The following PEAK1 variants were observed in gnomAD, a reference collection of about 807,000 sequenced individuals.
PEAK1 encodes pseudopodium enriched atypical kinase 1, also known as inactive tyrosine-protein kinase PEAK1.
PEAK1 carries 54 observed loss-of-function variants against 124.7 expected under a neutral mutation model. That is an observed-to-expected ratio of 0.43 (90% confidence interval 0.35 to 0.54). The LOEUF (loss-of-function observed/expected upper bound fraction) is 0.54, where lower values mean the gene tolerates loss of function less well. Ranked by LOEUF, PEAK1 falls within the 20% of genes least tolerant of loss-of-function variation. The probability of loss-of-function intolerance (pLI) is 0.01; values close to 1 mark genes in which losing one functional copy is unlikely to be tolerated. For synonymous variants in PEAK1, 719 were observed against 760.0 expected, an observed-to-expected ratio of 0.95 and a Z score of 0.89; for missense variants, 2,046 against 2,134.5, an observed-to-expected ratio of 0.96 and a Z score of 0.82.
chr15:77,180,534 C>A lies in PEAK1; in HGVS notation c.1393G>T (p.Val465Leu), dbSNP rs760377898. The A allele has an allele frequency of 1.2e-6, 2 of 1,614,024 alleles. No individual in the cohort carries two copies. The highest frequency in any genetic ancestry group is 2.7e-5 in the African/African-American group (2 of 74,910). ...TTGCACAATGGCTGTTCCAGGTTCACAACTCGGTAAGGTTTTGCTTGCTCT... is the reference window on the plus strand; with the variant it reads ...TTGCACAATGGCTGTTCCAGGTTCAAAACTCGGTAAGGTTTTGCTTGCTCT... ...TEEQAKPYRV[V>L]NLEQPLCKPY... Residue 465 changes from valine (V) to leucine (L), a missense_variant, in exon 7 of 10, where the codon GTG (valine) becomes TTG (leucine). Coordinates refer to ENST00000682557, the MANE Select transcript of PEAK1 (RefSeq NM_001385026.1).
rs1223829052 is a variant in PEAK1, at chr15:77,133,665, T to G, written c.3417A>C (p.Lys1139Asn). The G allele has an allele frequency of 1.1e-5, 18 of 1,614,018 alleles. No homozygotes were observed. Among genetic ancestry groups the G allele is most frequent in the Non-Finnish European group, 1.4e-5 (17 of 1,180,006 alleles). ...AAGCATTGGGTGCTTCTTGGTCTGTTTTCCCTCCAAAGGCGATGGCATCGT... is the reference window on the plus strand; with the variant it reads ...AAGCATTGGGTGCTTCTTGGTCTGTGTTCCCTCCAAAGGCGATGGCATCGT... ...AVDDAIAFGG[K>N]TDQEAPNASQ... is the part of the protein sequence containing the mutation. The change falls in exon 9 of 10, where the codon AAA becomes AAC. Residue 1139 changes from lysine to asparagine, a missense_variant. Physicochemically the swap from Lys to Asn is moderately conservative, Grantham distance 94. Coordinates refer to ENST00000682557, the MANE Select transcript of PEAK1 (RefSeq NM_001385026.1). This position sits in a 1 kb window ranked among gnomAD's most constrained non-coding sequence, Gnocchi z 4.2.
At chr15:77,297,477 G>C (rs2063543065) in intron 2 of PEAK1, among the ~76,000 whole-genome samples, 1 of 151,670 alleles carries the variant, frequency 6.6e-6, no homozygotes, top group South Asian at 2.1e-4. Flanking sequence ...CTCATCAATA[G>C]TACTGGTCAA....
At chr15:77,213,419 C>T (rs759941353) in intron 6 of PEAK1, among the ~76,000 whole-genome samples, 28 of 152,086 alleles carry the variant, frequency 1.8e-4, no homozygotes, top group Non-Finnish European at 3.2e-4. Flanking sequence ...CAGCCGGACG[C>T]GGTGGCTCAT....
chr15:77,311,948 T>G (rs1383285686), intron 2 of PEAK1, among the ~76,000 whole-genome samples: 2 of 152,124 alleles, frequency 1.3e-5, no homozygotes, highest in African/African-American at 4.8e-5. Context: ...TTAGAAAGAC[T>G]GCCTAGTTAG....
intron 8 of PEAK1, among the ~76,000 whole-genome samples, chr15:77,145,026 C>G (rs1410324397): frequency 6.6e-6 from 1 of 152,194 alleles, no homozygotes; most frequent in Non-Finnish European, 1.5e-5. Flanking sequence ...AGATTGTGTT[C>G]TAAATCTTGC....
chr15:77,181,406 TCTC>T lies in PEAK1; in HGVS notation c.518_520del (p.Arg173_Glu174delinsLys). ...ATCATTTATTCTTCCCAAGAATGTT[TCTC>T]TGGAGTTTGTTTCATTTCCTCTTAT... is the stretch of plus-strand genomic sequence containing the variant. On this transcript the variant is annotated inframe_deletion, in exon 7 of 10. Coordinates refer to ENST00000682557, the MANE Select transcript of PEAK1 (RefSeq NM_001385026.1). 1.9e-6 allele frequency: 3 copies of T among 1,614,210 alleles called. No individual in the cohort carries two copies. The highest frequency in any genetic ancestry group is 2.5e-6 in the Non-Finnish European group (3 of 1,180,022).
At chr15:77,232,442 T>A (rs990694529) in intron 6 of PEAK1, among the ~76,000 whole-genome samples, 1 of 152,192 alleles carries the variant, frequency 6.6e-6, no homozygotes, top group African/African-American at 2.4e-5. Context: ...TATTTACCTT[T>A]CCATTTTGAG....
At chr15:77,285,821 A>G (rs2062900213) in intron 3 of PEAK1, among the ~76,000 whole-genome samples, 1 of 151,958 alleles carries the variant, frequency 6.6e-6, no homozygotes, top group Admixed American at 6.6e-5. Context: ...GCATTCATTG[A>G]TTTTTTGAAG....
downstream of PEAK1, chr15:77,107,794 A>G (rs1282370113): frequency 6.6e-6 from 1 of 152,314 alleles, no homozygotes; most frequent in Non-Finnish European, 1.5e-5. Context: ...GGTCAGCCAG[A>G]GCCAGCTAAC....
chr15:77,391,408 A>C (rs1024568641), intron 1 of PEAK1, among the ~76,000 whole-genome samples: 2 of 149,862 alleles, frequency 1.3e-5, no homozygotes, highest in African/African-American at 4.9e-5. Context: ...TTTATATTCT[A>C]AACTTTATAT....
chr15:77,370,422 C>A (rs1316984016), intron 1 of PEAK1, among the ~76,000 whole-genome samples: 1 of 152,058 alleles, frequency 6.6e-6, no homozygotes, highest in Non-Finnish European at 1.5e-5. Context: ...GTTTAGGTAC[C>A]ACCTTGGGAA....
chr15:77,352,282 C>G, intron 2 of PEAK1: 1 of 985,356 alleles, frequency 1.0e-6, no homozygotes, highest in Non-Finnish European at 1.2e-6. Flanking sequence ...ATACCTCTCC[C>G]CCAGGAAGTG....
chr15:77,346,619 A>G, intron 2 of PEAK1: 1 of 985,392 alleles, frequency 1.0e-6, no homozygotes, highest in Non-Finnish European at 1.2e-6. Flanking sequence ...CAACTAGGAG[A>G]CAAAACAGCG....
chr15:77,371,347 T>C (rs2068627373), intron 1 of PEAK1: 1 of 914,896 alleles, frequency 1.1e-6, no homozygotes, highest in Non-Finnish European at 1.3e-6. Context: ...TGCAGTATAA[T>C]AGAAAGTAGA....
chr15:77,359,335 G>A (rs1267852659), intron 2 of PEAK1, among the ~76,000 whole-genome samples: 1 of 151,926 alleles, frequency 6.6e-6, no homozygotes, highest in Admixed American at 6.6e-5. Context: ...AGCTACTTGA[G>A]GGGCAGAGGC....
At chr15:77,168,884 C>T (rs1288125554) in intron 7 of PEAK1, among the ~76,000 whole-genome samples, 2 of 152,130 alleles carry the variant, frequency 1.3e-5, no homozygotes, top group Non-Finnish European at 2.9e-5. Flanking sequence ...CCTAAAGAAA[C>T]GACTTACATC....
chr15:77,321,826 C>G (rs369038620), intron 2 of PEAK1, among the ~76,000 whole-genome samples: 43 of 152,178 alleles, frequency 2.8e-4, no homozygotes, highest in African/African-American at 9.6e-4. Context: ...CTCAAATTAA[C>G]TTTTGTATAA....
At chr15:77,209,718 C>T (rs2058818230) in intron 6 of PEAK1, among the ~76,000 whole-genome samples, 1 of 152,104 alleles carries the variant, frequency 6.6e-6, no homozygotes, top group Non-Finnish European at 1.5e-5. Flanking sequence ...ATTTTTTCTT[C>T]ACTGGGTGTG....
At chr15:77,347,783 TG>T in intron 2 of PEAK1, 1 of 984,210 alleles carries the variant, frequency 1.0e-6, no homozygotes. Context: ...ATTTAGTGAG[TG>T]TATAGATCAT....
Sources: gnomAD v4.1 joint callset for allele counts (sites outside exome capture counted in the v4.1 genomes callset) on GRCh38, gnomAD v4.1.1 for gene constraint, Gnocchi (gnomAD v3.1) non-coding constraint, MANE v1.5 for transcripts, NCBI Gene and HGNC (gene_info 2026-07-23, HGNC 2026-07-21) for gene names.